Variants in RELCH observed in about 807,000 individuals in gnomAD.
RELCH encodes the protein RAB11 binding and LisH domain, coiled-coil and HEAT repeat containing, also known as RAB11-binding protein RELCH.
RELCH carries 41 observed loss-of-function variants against 150.3 expected under a neutral mutation model. The ratio of observed to expected loss-of-function variants is 0.27; its 90% CI spans 0.21 to 0.35. The LOEUF is 0.35. RELCH is among the 10% of genes least tolerant of loss of function. The pLI, the probability that RELCH is intolerant of heterozygous loss-of-function variation, is 1.00. For synonymous variants in RELCH, 478 were observed against 531.8 expected (o/e 0.90, Z 1.39); for missense variants, 1,092 against 1,467.8 (o/e 0.74, Z 4.18).
intron 1 of RELCH, among the ~76,000 whole-genome samples, chr18:62,206,541 CATTT>C (rs1312336434): frequency 6.6e-6 from 1 of 152,208 alleles, no homozygotes; most frequent in African/African-American, 2.4e-5. Context: ...AACTTCCATT[CATTT>C]GTCAAGATTG....
chr18:62,225,118 T>A (rs1239516464), intron 5 of RELCH, among the ~76,000 whole-genome samples: 1 of 151,792 alleles, frequency 6.6e-6, no homozygotes, highest in Non-Finnish European at 1.5e-5. Flanking sequence ...AAGGGTAGTC[T>A]TTTTTTTACA....
At chr18:62,293,136 T>G (rs762237683) in intron 27 of RELCH, among the ~76,000 whole-genome samples, 8 of 152,206 alleles carry the variant, frequency 5.3e-5, no homozygotes, top group Non-Finnish European at 8.8e-5. Context: ...GCCTATTCTC[T>G]TCCCTCTGTC....
At position 62,308,097 on chromosome 18, in the gene RELCH, G is replaced by A. The variant is rs1413108874; in HGVS notation, c.*2563G>A. The A allele has an allele frequency of 6.6e-6, 1 of 152,144 alleles. No individual in the cohort carries two copies. The highest frequency in any genetic ancestry group is 1.5e-5 in the Non-Finnish European group (1 of 68,016). 9.4% of individuals were successfully genotyped at this position (152,144 alleles called of 1,614,324 possible). ...CACTACTATACACTATAATTCTAAT[G>A]GGGGTCTCAAGTCAAGGTGCTATCA... On this transcript the variant is annotated 3_prime_UTR_variant, in exon 29 of 29. Transcript: ENST00000644646.
At chr18:62,255,371 T>C (rs2042942613) in intron 12 of RELCH, 36 bp from the exon 13 acceptor site, 2 of 1,360,470 alleles carry the variant, frequency 1.5e-6, no homozygotes, top group Non-Finnish European at 2.1e-6. Flanking sequence ...GAGGGTATGC[T>C]GTTTATGCTT....
At chr18:62,205,699 C>G (rs1353068197) in intron 1 of RELCH, among the ~76,000 whole-genome samples, 1 of 152,124 alleles carries the variant, frequency 6.6e-6, no homozygotes, top group Non-Finnish European at 1.5e-5. Flanking sequence ...ATTTGGCTTT[C>G]TGTCATCATT....
chr18:62,208,436 G>A (rs950662551), intron 1 of RELCH, among the ~76,000 whole-genome samples: 1 of 151,562 alleles, frequency 6.6e-6, no homozygotes, highest in African/African-American at 2.4e-5. Flanking sequence ...GTTTCCTATG[G>A]CTACTTTAAA....
intron 10 of RELCH, among the ~76,000 whole-genome samples, chr18:62,238,943 G>C (rs544517380): frequency 1.6e-4 from 25 of 152,202 alleles, no homozygotes; most frequent in African/African-American, 5.1e-4. Context: ...TACCTCTACA[G>C]ACCTCCCGTC....
intron 18 of RELCH, among the ~76,000 whole-genome samples, chr18:62,265,962 G>T (rs2043538937): frequency 6.6e-6 from 1 of 151,804 alleles, no homozygotes; most frequent in Non-Finnish European, 1.5e-5. Context: ...CTAGCATTCA[G>T]TTGTTAAACA....
rs757952760 is a variant in RELCH, at chr18:62,232,412, A to T, written c.1605A>T (p.Leu535=). 6.2e-7 allele frequency: 1 copy of T among 1,605,338 alleles called. No individual in the cohort carries two copies. Among genetic ancestry groups the T allele is most frequent in the African/African-American group, 1.3e-5 (1 of 74,650 alleles). Residue 535 remains leucine (L), a synonymous_variant, in exon 10 of 29, where the codon CTA becomes CTT. Transcript: ENST00000644646. ...RCLPHIVPNV[L]LAKREELIPL... ...TGCCACACATTGTTCCCAATGTGCT[A>T]TTGGCAAAGAGAGAGGTAAGACACA...
In RELCH at chr18:62,227,605, T is replaced by C. The variant is rs770508587; in HGVS notation, c.1070T>C (p.Met357Thr). Residue 357 changes from methionine to threonine, a missense_variant, in exon 7 of 29, where the codon ATG (methionine) becomes ACG (threonine). Physicochemically the swap from Met to Thr is moderately conservative, Grantham distance 81 (BLOSUM62 -1). Coordinates refer to ENST00000644646, the MANE Select transcript of RELCH (RefSeq NM_001346231.2). ...CTCCTGTTTTGATTTTAGAACTCCA[T>C]GTTAGTACAGAAATTAGAAGATAAA... ...LETPQPAENS[M>T]LVQKLEDKIS... The C allele has an allele frequency of 3.9e-6, 6 of 1,547,726 alleles. No homozygotes were observed. The South Asian group carries it at 5.7e-5, about 15-fold the overall frequency.
chr18:62,284,210 A>G (rs2044673321), intron 25 of RELCH: 1 of 152,216 alleles, frequency 6.6e-6, no homozygotes, highest in South Asian at 2.1e-4. Flanking sequence ...AAGAATATCT[A>G]AAAATAACCC....
Position 62,291,642 on chromosome 18 carries a change from G to A in RELCH, c.3459+11G>A. The A allele has an allele frequency of 6.5e-7, 1 of 1,534,774 alleles. No homozygotes were observed. Among genetic ancestry groups the A allele is most frequent in the South Asian group, 1.1e-5 (1 of 87,626 alleles). On this transcript the variant is annotated intron_variant, in intron 27 of 28. Transcript: ENST00000644646. Reference sequence around the variant, plus strand: ...TCTCCAGAGCATGAGGTGAGCCACTGTGATTACCAGTGCCATATTCATGTT... The same window carrying A: ...TCTCCAGAGCATGAGGTGAGCCACTATGATTACCAGTGCCATATTCATGTT...
chr18:62,187,700 C>A lies in RELCH; in HGVS notation c.195C>A (p.Ser65Arg). 6.3e-7 allele frequency: 1 copy of A among 1,594,380 alleles called. No homozygotes were observed. Among genetic ancestry groups the A allele is most frequent in the Non-Finnish European group, 8.6e-7 (1 of 1,167,076 alleles). The change falls in exon 1 of 29, where the codon AGC becomes AGA. Residue 65 changes from serine to arginine, a missense_variant. Physicochemically the swap from Ser to Arg is moderately radical, Grantham distance 110. Coordinates refer to ENST00000644646, the MANE Select transcript of RELCH (RefSeq NM_001346231.2). ...LSPQDPVALGSSARPGLPGEA... is the reference protein window; with the variant it reads ...LSPQDPVALGRSARPGLPGEA... ...CACAGGATCCCGTGGCCTTAGGAAG[C>A]AGTGCGCGGCCAGGGCTCCCTGGGG...
At chr18:62,231,757 A>G (rs1176185686) in intron 9 of RELCH, among the ~76,000 whole-genome samples, 1 of 151,406 alleles carries the variant, frequency 6.6e-6, no homozygotes, top group Non-Finnish European at 1.5e-5. Context: ...TTACCTGTGT[A>G]CTCACTCCTC....
intron 21 of RELCH, among the ~76,000 whole-genome samples, chr18:62,275,047 G>A (rs1477367898): frequency 2.0e-5 from 3 of 152,190 alleles, no homozygotes; most frequent in African/African-American, 7.2e-5. Flanking sequence ...CTCCTGAGTA[G>A]CTGGGACTAC....
At chr18:62,198,335 A>T (rs2039185668) in intron 1 of RELCH, among the ~76,000 whole-genome samples, 1 of 152,172 alleles carries the variant, frequency 6.6e-6, no homozygotes, top group Admixed American at 6.5e-5. Context: ...GGTTTGCTGC[A>T]TGGTTACTTA....
intron 7 of RELCH, 31 bp downstream of exon 7, chr18:62,227,720 C>G (rs1373363019): frequency 1.7e-6 from 2 of 1,147,812 alleles, no homozygotes; most frequent in Non-Finnish European, 2.5e-6. Flanking sequence ...CCTAAAAATC[C>G]TCTTAAGGTG....
intron 1 of RELCH, among the ~76,000 whole-genome samples, chr18:62,208,450 T>C (rs1420804038): frequency 6.6e-6 from 1 of 152,180 alleles, no homozygotes; most frequent in Non-Finnish European, 1.5e-5. Context: ...CTTTAAAAAG[T>C]TGACAAAAAC....
chr18:62,215,060 C>T (rs184940834), intron 2 of RELCH, among the ~76,000 whole-genome samples: 2 of 152,252 alleles, frequency 1.3e-5, no homozygotes, highest in Non-Finnish European at 2.9e-5. Context: ...CATACGTTTT[C>T]AATCTTTACA....
Sources: allele counts gnomAD v4.1 joint callset (sites outside exome capture counted in the v4.1 genomes callset), GRCh38; gene constraint gnomAD v4.1.1; transcripts MANE v1.5; gene names NCBI Gene and HGNC (gene_info 2026-07-23, HGNC 2026-07-21).